TMC1: variants seen among roughly 807,000 people sequenced by gnomAD.
The protein encoded by TMC1 is transmembrane channel-like protein 1.
A neutral mutation model predicts 105.8 loss-of-function variants in TMC1; 84 were observed. The ratio of observed to expected loss-of-function variants is 0.79; its 90% CI spans 0.67 to 0.95. The LOEUF (loss-of-function observed/expected upper bound fraction) is 0.95, where lower values mean the gene tolerates loss of function less well. Among genes scored for constraint, TMC1 ranks in the 40% least tolerant of loss-of-function variants. TMC1 has a pLI of 0.00. For missense variants in TMC1, 817 were observed against 914.1 expected (o/e 0.89, Z 1.37); for synonymous variants, 315 against 311.5 (o/e 1.01, Z -0.12).
At chr9:72,830,745 T>C in intron 23 of TMC1, 63 bp downstream of exon 23, 1 of 1,471,200 alleles carries the variant, frequency 6.8e-7, no homozygotes, top group Non-Finnish European at 9.3e-7. Flanking sequence ...TTTCTTTTTT[T>C]TTTTTTTTTG....
chr9:72,552,169 A>G (rs979093191), intron 1 of TMC1, among the ~76,000 whole-genome samples: 3 of 152,090 alleles, frequency 2.0e-5, no homozygotes, highest in Non-Finnish European at 4.4e-5. Context: ...TAATAACCCA[A>G]ATTTCTGCCA....
intron 8 of TMC1, among the ~76,000 whole-genome samples, chr9:72,717,671 C>G (rs1826943650): frequency 6.6e-6 from 1 of 152,194 alleles, no homozygotes; most frequent in Non-Finnish European, 1.5e-5. Flanking sequence ...TGCTGTTACT[C>G]TGATAGATTT....
chr9:72,575,433 G>T (rs1277524800), intron 1 of TMC1, among the ~76,000 whole-genome samples: 1 of 152,082 alleles, frequency 6.6e-6, no homozygotes, highest in African/African-American at 2.4e-5. Context: ...TGCCCGCCTC[G>T]GCCTCCCAAA....
chr9:72,709,587 A>T (rs528651419), intron 8 of TMC1, among the ~76,000 whole-genome samples: 2 of 152,190 alleles, frequency 1.3e-5, no homozygotes, highest in Admixed American at 1.3e-4. Context: ...GATTTAAGCT[A>T]GGAGGATTGT....
intron 9 of TMC1, 56 bp downstream of exon 9, chr9:72,740,265 G>GT: frequency 1.4e-6 from 2 of 1,474,416 alleles, no homozygotes; most frequent in Non-Finnish European, 1.9e-6. Flanking sequence ...GAAGAACACT[G>GT]GTTCTTTTCT....
intron 5 of TMC1, among the ~76,000 whole-genome samples, chr9:72,650,890 A>ATATATATC (rs1564468483): frequency 7.2e-6 from 1 of 139,642 alleles, no homozygotes; most frequent in African/African-American, 2.7e-5. Context: ...ATAGATATAT[A>ATATATATC]GATATATATA....
At chr9:72,579,335 G>C (rs943280985) in intron 2 of TMC1, among the ~76,000 whole-genome samples, 9 of 152,048 alleles carry the variant, frequency 5.9e-5, no homozygotes, top group Non-Finnish European at 4.4e-5. Context: ...TGCTCTCCAG[G>C]ACTCTGCCTT....
At chr9:72,693,245 A>T (rs1383485774) in intron 6 of TMC1, among the ~76,000 whole-genome samples, 1 of 152,226 alleles carries the variant, frequency 6.6e-6, no homozygotes, top group East Asian at 1.9e-4. Context: ...GTGGTAATTA[A>T]AGATAATTTT....
At chr9:72,764,544 C>T (rs542208286) in intron 12 of TMC1, among the ~76,000 whole-genome samples, 54 of 152,248 alleles carry the variant, frequency 3.5e-4, no homozygotes, top group Non-Finnish European at 5.4e-4. Flanking sequence ...TTTCCAGTTT[C>T]AGTGTCTCTC....
In TMC1 at chr9:72,775,124, A is replaced by G. The variant is rs868430189; in HGVS notation, c.884+2569A>G. Among the ~76,000 whole-genome samples, 6 of 152,276 alleles carry G rather than the reference A, an allele frequency of 3.9e-5. 1 individual carries two copies. Among genetic ancestry groups the G allele is most frequent in the South Asian group, 4.2e-4 (2 of 4,812 alleles). ...AGATGACTAACTTTGTTGGCCCAGG[A>G]TTCTCCTGGTTTTAGAACTGAAAGT... On this transcript the variant is annotated intron_variant, in intron 13 of 23. Transcript: ENST00000297784.
rs191504632 is a variant in TMC1 at position 72,563,367 on chromosome 9, G to T, written c.-427-14535G>T. Reference sequence around the variant, plus strand: ...GGCTTCATAAGAAGCATGGGTTGGAGATTGATAAGAGCAGACTCCAAGGGG... The same window carrying T: ...GGCTTCATAAGAAGCATGGGTTGGATATTGATAAGAGCAGACTCCAAGGGG... On this transcript the variant is annotated intron_variant, in intron 1 of 23. Coordinates refer to ENST00000297784, the MANE Select transcript of TMC1 (RefSeq NM_138691.3). Among the ~76,000 whole-genome samples the T allele has an allele frequency of 7.0e-3, 1,062 of 152,252 alleles. 8 individuals are homozygous for T. Among genetic ancestry groups the T allele is most frequent in the Non-Finnish European group, 0.012 (787 of 68,026 alleles).
chr9:72,645,275 G>A (rs958315257), intron 4 of TMC1, among the ~76,000 whole-genome samples: 2 of 152,194 alleles, frequency 1.3e-5, no homozygotes, highest in Admixed American at 1.3e-4. Flanking sequence ...CTCTATGGGT[G>A]CCAAAACCAT....
At chr9:72,794,290 A>G (rs72733083) in intron 17 of TMC1, among the ~76,000 whole-genome samples, 14,060 of 152,188 alleles carry the variant, frequency 0.092, 714 homozygotes, top group Non-Finnish European at 0.13. Flanking sequence ...TAACGCTGAG[A>G]TTGCCCCAGA....
At chr9:72,830,081 A>C (rs980148651) in intron 21 of TMC1, among the ~76,000 whole-genome samples, 1 of 152,232 alleles carries the variant, frequency 6.6e-6, no homozygotes, top group Non-Finnish European at 1.5e-5. Flanking sequence ...TAGGTTTTCC[A>C]TTCTCTGGGA....
intron 2 of TMC1, among the ~76,000 whole-genome samples, chr9:72,608,316 C>G (rs1824959465): frequency 6.6e-6 from 1 of 152,202 alleles, no homozygotes; most frequent in Non-Finnish European, 1.5e-5. Context: ...TGGATCCAGG[C>G]ACACTGATAA....
At chr9:72,683,167 A>G (rs978886541) in intron 5 of TMC1, among the ~76,000 whole-genome samples, 2 of 152,178 alleles carry the variant, frequency 1.3e-5, no homozygotes, top group Admixed American at 6.5e-5. Flanking sequence ...ATGCCTGAAT[A>G]TGATTTGGTG....
chr9:72,743,242 C>T (rs1171598093), intron 10 of TMC1, among the ~76,000 whole-genome samples: 2 of 150,444 alleles, frequency 1.3e-5, no homozygotes, highest in African/African-American at 4.9e-5. Flanking sequence ...TGGCGGGCGC[C>T]TGTAGTCCCA....
At chr9:72,740,799 T>C (rs952801615) in intron 9 of TMC1, among the ~76,000 whole-genome samples, 3 of 152,220 alleles carry the variant, frequency 2.0e-5, no homozygotes, top group Non-Finnish European at 4.4e-5. Flanking sequence ...AACTGTAAGC[T>C]AAATGTATTC....
chr9:72,663,963 A>G (rs1465387064), intron 5 of TMC1, among the ~76,000 whole-genome samples: 1 of 152,160 alleles, frequency 6.6e-6, no homozygotes, highest in African/African-American at 2.4e-5. Flanking sequence ...GATCATCAAT[A>G]TCATTATCCA....
Sources: allele counts gnomAD v4.1 joint callset (sites outside exome capture counted in the v4.1 genomes callset), GRCh38; gene constraint gnomAD v4.1.1; transcripts MANE v1.5; gene names NCBI Gene and HGNC (gene_info 2026-07-23, HGNC 2026-07-21).